The following DPP6 variants were observed in gnomAD, a reference collection of about 807,000 sequenced individuals.
DPP6 encodes dipeptidyl peptidase like 6.
DPP6 carries 69 observed loss-of-function variants against 122.6 expected under a neutral mutation model. The observed-to-expected ratio is 0.56, with a 90% CI of 0.46 to 0.69. DPP6 has a LOEUF of 0.69. Among genes scored for constraint, DPP6 ranks in the 30% least tolerant of loss-of-function variants. The probability of loss-of-function intolerance (pLI) is 0.00; values close to 1 mark genes in which losing one functional copy is unlikely to be tolerated. For missense variants in DPP6, 928 were observed against 1,116.9 expected (o/e 0.83, Z 2.41); for synonymous variants, 418 against 433.1 (o/e 0.97, Z 0.43).
At chr7:154,630,198 C>G (rs1835321794) in intron 5 of DPP6, among the ~76,000 whole-genome samples, 1 of 152,164 alleles carries the variant, frequency 6.6e-6, no homozygotes, top group African/African-American at 2.4e-5. Flanking sequence ...CAGAGCTACA[C>G]CTAGCCACCC....
chr7:154,573,560 A>G (rs1487362030), intron 5 of DPP6, among the ~76,000 whole-genome samples: 1 of 152,138 alleles, frequency 6.6e-6, no homozygotes, highest in Non-Finnish European at 1.5e-5. Flanking sequence ...CCGTGTCTCA[A>G]TCCCAACCAT....
At chr7:154,281,515 A>G (rs1023581712) in intron 1 of DPP6, among the ~76,000 whole-genome samples, 4 of 152,104 alleles carry the variant, frequency 2.6e-5, no homozygotes, top group Non-Finnish European at 4.4e-5. Flanking sequence ...GTATTGCAAA[A>G]CTTAACACCA....
the DPP6 span, among the ~76,000 whole-genome samples, chr7:153,846,561 C>T: frequency 0.099 from 15,083 of 151,906 alleles, 828 homozygotes; most frequent in Middle Eastern, 0.15. Context: ...ACACATTCTA[C>T]CTTGGTGAAA....
At chr7:154,547,905 T>A (rs1033571901) in intron 4 of DPP6, among the ~76,000 whole-genome samples, 21 of 152,224 alleles carry the variant, frequency 1.4e-4, no homozygotes, top group African/African-American at 4.8e-4. Flanking sequence ...TAGACCATGA[T>A]TTTACTTTTT....
At chr7:154,713,982 T>C (rs563400927) in intron 7 of DPP6, among the ~76,000 whole-genome samples, 13 of 152,376 alleles carry the variant, frequency 8.5e-5, no homozygotes, top group African/African-American at 3.1e-4. Flanking sequence ...TTCCTCTAGA[T>C]ACTTTAAATC....
intron 5 of DPP6, among the ~76,000 whole-genome samples, chr7:154,572,479 C>T (rs1485013773): frequency 7.0e-6 from 1 of 142,742 alleles, no homozygotes; most frequent in Non-Finnish European, 1.5e-5. Flanking sequence ...TCAGGTAATT[C>T]TGAGTATATG....
chr7:154,637,681 A>G (rs551243374), intron 5 of DPP6, 140 bp from the exon 6 acceptor site: 1 of 801,768 alleles, frequency 1.2e-6, no homozygotes, highest in South Asian at 2.2e-5. Context: ...TCCTAAGTAA[A>G]TAAAAGACTT....
chr7:154,041,119 C>A (rs1799740486), intron 1 of DPP6, among the ~76,000 whole-genome samples: 1 of 152,176 alleles, frequency 6.6e-6, no homozygotes. Context: ...CTTTCAGACT[C>A]ATACTCCTCC....
At chr7:154,514,774 TACCC>T (rs946682859) in intron 3 of DPP6, among the ~76,000 whole-genome samples, 6 of 152,250 alleles carry the variant, frequency 3.9e-5, no homozygotes, top group African/African-American at 1.4e-4. Context: ...ACATTTTGTT[TACCC>T]ATTTATCTGT....
In DPP6 at chr7:153,983,849, C is replaced by T. The variant is rs185311831; in HGVS notation, c.51+96115C>T. Among the ~76,000 whole-genome samples, 534 of 152,194 alleles carry T rather than the reference C, an allele frequency of 3.5e-3. 9 individuals are homozygous for T. The highest frequency in any genetic ancestry group is 0.012 in the African/African-American group (498 of 41,544). On this transcript the variant is annotated intron_variant, in intron 1 of 25. Coordinates refer to the DPP6 transcript ENST00000404039. ...CTGAGTGAGGTGATGCCCCACCCTG[C>T]TTCTGCTCACCCTCCATGGGCTGCA...
intron 1 of DPP6, among the ~76,000 whole-genome samples, chr7:154,283,847 T>C (rs1804681640): frequency 6.6e-6 from 1 of 152,176 alleles, no homozygotes; most frequent in African/African-American, 2.4e-5. Context: ...TTGCTCCTTA[T>C]TCTGACATCA....
the DPP6 span, among the ~76,000 whole-genome samples, chr7:153,778,465 C>T: frequency 3.8e-3 from 582 of 151,596 alleles, 1 homozygote; most frequent in Admixed American, 7.1e-3. Context: ...ATGAATGTAC[C>T]TCTTACTCAG....
At chr7:154,539,089 A>C (rs1407014846) in intron 3 of DPP6, among the ~76,000 whole-genome samples, 1 of 152,234 alleles carries the variant, frequency 6.6e-6, no homozygotes, top group African/African-American at 2.4e-5. Context: ...TCCAGTCTGC[A>C]TAATGTTTTT....
At position 154,339,536 on chromosome 7, in the gene DPP6, A is replaced by C. The variant is rs576917783; in HGVS notation, c.244-106678A>C. Among the ~76,000 whole-genome samples, 4 of 152,364 alleles carry C rather than the reference A, an allele frequency of 2.6e-5. No individual in the cohort carries two copies. In the South Asian group the frequency reaches 8.3e-4, roughly 32 times the overall value. On this transcript the variant is annotated intron_variant, in intron 1 of 25. Coordinates refer to ENST00000377770, the MANE Select transcript of DPP6 (RefSeq NM_130797.4). ...CCTGAAGTCAGTGAGCACGTTCTGC[A>C]TAAAAGCTCATTTGAACTCTGCACT...
At chr7:153,977,198 G>GGTGT (rs55750679) in intron 1 of DPP6, among the ~76,000 whole-genome samples, 5,618 of 149,688 alleles carry the variant, frequency 0.038, 221 homozygotes, top group African/African-American at 0.1. Flanking sequence ...TACCAATAGG[G>GGTGT]GTGTGTGTGT....
intron 1 of DPP6, among the ~76,000 whole-genome samples, chr7:154,054,837 T>C (rs938714489): frequency 3.2e-4 from 48 of 149,968 alleles, no homozygotes; most frequent in African/African-American, 1.1e-3. Flanking sequence ...GCAGTTTTTT[T>C]CTCAACAGGC....
At chr7:154,070,087 C>T (rs1803010818) in intron 1 of DPP6, among the ~76,000 whole-genome samples, 2 of 151,862 alleles carry the variant, frequency 1.3e-5, no homozygotes, top group South Asian at 2.1e-4. Flanking sequence ...ATGCAATGAT[C>T]CCCACACCGA....
intron 5 of DPP6, among the ~76,000 whole-genome samples, chr7:154,630,456 G>A (rs1835337789): frequency 1.3e-5 from 2 of 152,224 alleles, no homozygotes; most frequent in Non-Finnish European, 2.9e-5. Context: ...GGGAATGGCT[G>A]ATGCGAATTC....
chr7:154,434,427 C>T (rs896116659), intron 1 of DPP6, among the ~76,000 whole-genome samples: 1 of 152,140 alleles, frequency 6.6e-6, no homozygotes, highest in African/African-American at 2.4e-5. Flanking sequence ...GACTGCTGGA[C>T]TCTTCAGCCG....
Sources: gnomAD v4.1 joint callset for allele counts (sites outside exome capture counted in the v4.1 genomes callset) on GRCh38, gnomAD v4.1.1 for gene constraint, MANE v1.5 for transcripts, NCBI Gene and HGNC (gene_info 2026-07-23, HGNC 2026-07-21) for gene names.